Variants in FUT8 observed in about 807,000 individuals in gnomAD.
The protein encoded by FUT8 is alpha-(1,6)-fucosyltransferase.
In FUT8, 29 loss-of-function variants were observed where a neutral mutation model predicts 71.3. That is an observed-to-expected ratio of 0.41 (90% CI 0.30 to 0.55). The LOEUF is 0.55. FUT8 is among the 20% of genes least tolerant of loss of function. The pLI, the probability that FUT8 is intolerant of heterozygous loss-of-function variation, is 0.34. For synonymous variants in FUT8, 254 were observed against 239.3 expected (o/e 1.06, Z -0.57); for missense variants, 544 against 702.1 (o/e 0.77, Z 2.55).
intron 1 of FUT8, among the ~76,000 whole-genome samples, chr14:65,443,682 T>G (rs567768176): frequency 6.6e-6 from 1 of 150,682 alleles, no homozygotes; most frequent in African/African-American, 2.4e-5. Context: ...ATTGTGCCAC[T>G]GCTCTCCAGC....
intron 5 of FUT8, among the ~76,000 whole-genome samples, chr14:65,620,483 T>G (rs1566857447): frequency 6.6e-6 from 1 of 152,154 alleles, no homozygotes; most frequent in African/African-American, 2.4e-5. Flanking sequence ...ACTCAAGGGG[T>G]ACACTGGGAA....
chr14:65,612,732 C>G (rs1407890776), intron 3 of FUT8, among the ~76,000 whole-genome samples: 1 of 152,222 alleles, frequency 6.6e-6, no homozygotes, highest in Non-Finnish European at 1.5e-5. Flanking sequence ...AGTCACAGGG[C>G]TATCATCATT....
chr14:65,530,936 A>T (rs555390717), intron 2 of FUT8, among the ~76,000 whole-genome samples: 19 of 148,436 alleles, frequency 1.3e-4, no homozygotes, highest in Admixed American at 3.3e-4. Flanking sequence ...CAACAGATAG[A>T]ATATAAGACC....
chr14:65,468,940 G>A (rs1474084677), intron 2 of FUT8, among the ~76,000 whole-genome samples: 1 of 151,820 alleles, frequency 6.6e-6, no homozygotes, highest in African/African-American at 2.4e-5. Flanking sequence ...CAGGACTACA[G>A]GTGTGTGCCA....
Position 65,742,344 on chromosome 14 carries a change from C to G in FUT8, c.1662C>G (p.Pro554=), listed in dbSNP as rs746764301. 1 of 1,612,750 alleles carries G rather than the reference C, an allele frequency of 6.2e-7. No homozygotes were observed. The highest frequency in any genetic ancestry group is 1.1e-5 in the South Asian group (1 of 91,044). ...NRKLGRTGLY[P]SYKVREKIET... is the part of the protein sequence containing the mutation. Reference sequence around the variant, plus strand: ...AATTGGGAAGGACGGGCCTATATCCCTCCTACAAAGTTCGAGAGAAGATAG... The same window carrying G: ...AATTGGGAAGGACGGGCCTATATCCGTCCTACAAAGTTCGAGAGAAGATAG... The change falls in exon 11 of 11, where the codon CCC becomes CCG. Residue 554 remains proline, a synonymous_variant. Transcript: ENST00000673929.
chr14:65,401,229 T>C, the FUT8 span, among the ~76,000 whole-genome samples: 40 of 152,124 alleles, frequency 2.6e-4, 1 homozygote, highest in South Asian at 8.3e-3. Context: ...AATGGTAAGA[T>C]CTATGAGTGA....
intron 2 of FUT8, among the ~76,000 whole-genome samples, chr14:65,477,274 C>T (rs2139666178): frequency 6.6e-6 from 1 of 152,286 alleles, no homozygotes; most frequent in Middle Eastern, 3.4e-3. Flanking sequence ...GTCTTTAGCA[C>T]AGTTCCTGGC....
At chr14:65,640,684 C>T (rs1435758233) in intron 6 of FUT8, among the ~76,000 whole-genome samples, 1 of 151,988 alleles carries the variant, frequency 6.6e-6, no homozygotes, top group African/African-American at 2.4e-5. Context: ...AGAGTATTAA[C>T]ATAGAATGGA....
intron 1 of FUT8, among the ~76,000 whole-genome samples, chr14:65,453,818 T>C (rs2065861019): frequency 6.6e-6 from 1 of 152,192 alleles, no homozygotes; most frequent in African/African-American, 2.4e-5. Flanking sequence ...TCTGTAGCTT[T>C]TTTCTGCTTA....
chr14:65,692,201 C>G (rs1025539730), intron 7 of FUT8, among the ~76,000 whole-genome samples: 6 of 151,606 alleles, frequency 4.0e-5, no homozygotes, highest in African/African-American at 1.5e-4. Context: ...CCCCTCACCT[C>G]CCGGACGGGG....
At chr14:65,691,924 T>TCATA (rs1373716653) in intron 7 of FUT8, among the ~76,000 whole-genome samples, 1 of 152,188 alleles carries the variant, frequency 6.6e-6, no homozygotes, top group Non-Finnish European at 1.5e-5. Context: ...GGGGGTAAGG[T>TCATA]CATAGATCAA....
rs925993598 is a variant in FUT8, at chr14:65,607,249, G to A, written c.204-8729G>A. Reference sequence around the variant, plus strand: ...ACAGTGATGAATAGAAGCATAGATGGCAGGCCTGTCTTCTATTGTTCTTAG... The same window carrying A: ...ACAGTGATGAATAGAAGCATAGATGACAGGCCTGTCTTCTATTGTTCTTAG... On this transcript the variant is annotated intron_variant, in intron 3 of 10. Coordinates refer to ENST00000673929, the MANE Select transcript of FUT8 (RefSeq NM_001371533.1). This position sits in a 1 kb window ranked among gnomAD's most constrained non-coding sequence, Gnocchi z 4.1. Among the ~76,000 whole-genome samples the A allele has an allele frequency of 6.6e-6, 1 of 151,770 alleles. No homozygotes were observed. The highest frequency in any genetic ancestry group is 1.9e-4 in the East Asian group (1 of 5,196).
chr14:65,358,058 C>G, the FUT8 span, among the ~76,000 whole-genome samples: 3 of 151,992 alleles, frequency 2.0e-5, no homozygotes, highest in Non-Finnish European at 4.4e-5. Flanking sequence ...GGGAGGAGAA[C>G]AGGAGAGGTT....
intron 3 of FUT8, among the ~76,000 whole-genome samples, chr14:65,564,293 A>T (rs1412026437): frequency 6.6e-6 from 1 of 152,108 alleles, no homozygotes; most frequent in African/African-American, 2.4e-5. Flanking sequence ...TCTTTGAGAT[A>T]AGGCATATGG....
chr14:65,377,744 C>A, the FUT8 span, among the ~76,000 whole-genome samples: 7 of 152,088 alleles, frequency 4.6e-5, no homozygotes. Flanking sequence ...ATGTTGCAAA[C>A]TCTCAAGAGG....
At chr14:65,439,954 G>GTGTGTGTATACATATATATA in intron 1 of FUT8, among the ~76,000 whole-genome samples, 2 of 74,984 alleles carry the variant, frequency 2.7e-5, no homozygotes, top group South Asian at 1.2e-3. Flanking sequence ...GTGTGTGTGT[G>GTGTGTGTATACATATATATA]TATATATATA....
intron 2 of FUT8, among the ~76,000 whole-genome samples, chr14:65,511,279 CTA>C (rs1293074537): frequency 4.6e-5 from 7 of 151,900 alleles, no homozygotes; most frequent in South Asian, 2.1e-4. Context: ...ATGTTTGACA[CTA>C]TGTGGGTTTT....
chr14:65,430,109 C>G (rs1227387927), intron 1 of FUT8: 3 of 151,624 alleles, frequency 2.0e-5, no homozygotes, highest in Non-Finnish European at 4.4e-5. Context: ...AGCCTCGACC[C>G]CTGGGGCAGA....
chr14:65,414,828 A>G (rs1318250921), intron 1 of FUT8, among the ~76,000 whole-genome samples: 1 of 152,196 alleles, frequency 6.6e-6, no homozygotes, highest in Non-Finnish European at 1.5e-5. Flanking sequence ...TCTTTGGTCA[A>G]GTTGTGAGTT....
Sources: gnomAD v4.1 joint callset for allele counts (sites outside exome capture counted in the v4.1 genomes callset) on GRCh38, gnomAD v4.1.1 for gene constraint, Gnocchi (gnomAD v3.1) non-coding constraint, MANE v1.5 for transcripts, NCBI Gene and HGNC (gene_info 2026-07-23, HGNC 2026-07-21) for gene names.